LMX1A: variants seen among roughly 807,000 people sequenced by gnomAD.
LMX1A encodes LIM homeobox transcription factor 1 alpha, also known as LIM homeobox transcription factor 1-alpha.
In LMX1A, 15 loss-of-function variants were observed where a neutral mutation model predicts 49.1. That is an observed-to-expected ratio of 0.31 (90% CI 0.20 to 0.47). The LOEUF (loss-of-function observed/expected upper bound fraction) is 0.47. Among genes scored for constraint, LMX1A ranks in the 20% least tolerant of loss-of-function variants. The pLI, the probability that LMX1A is intolerant of heterozygous loss-of-function variation, is 1.00. For missense variants in LMX1A, 372 were observed against 475.8 expected (o/e 0.78, Z 2.03); for synonymous variants, 167 against 185.7 (o/e 0.90, Z 0.82).
intron 3 of LMX1A, among the ~76,000 whole-genome samples, chr1:165,334,738 A>G (rs766467678): frequency 6.6e-6 from 1 of 152,218 alleles, no homozygotes; most frequent in Non-Finnish European, 1.5e-5. Flanking sequence ...GCAAGTCTAT[A>G]ACTGAAGAGG....
intron 4 of LMX1A, among the ~76,000 whole-genome samples, chr1:165,217,549 G>A (rs182099557): frequency 3.6e-4 from 55 of 152,334 alleles, no homozygotes; most frequent in African/African-American, 1.1e-3. Flanking sequence ...GGAAAGGGAC[G>A]AGGGATTGGT....
chr1:165,216,996 A>G (rs994787679), intron 4 of LMX1A, among the ~76,000 whole-genome samples: 3 of 152,244 alleles, frequency 2.0e-5, no homozygotes, highest in African/African-American at 7.2e-5. Context: ...TTAATAAATC[A>G]CAATAATAAT....
intron 3 of LMX1A, among the ~76,000 whole-genome samples, chr1:165,278,237 G>A (rs1003464758): frequency 6.6e-6 from 1 of 152,138 alleles, no homozygotes; most frequent in African/African-American, 2.4e-5. Flanking sequence ...TCTCACAGAG[G>A]TCCATGACCT....
At chr1:165,325,069 A>C (rs1167324500) in intron 3 of LMX1A, among the ~76,000 whole-genome samples, 2 of 152,144 alleles carry the variant, frequency 1.3e-5, no homozygotes, top group African/African-American at 4.8e-5. Context: ...CCACATCATC[A>C]TCTCTAAAAC....
intron 3 of LMX1A, among the ~76,000 whole-genome samples, chr1:165,270,970 T>A (rs1323901426): frequency 6.6e-6 from 1 of 152,180 alleles, no homozygotes; most frequent in Non-Finnish European, 1.5e-5. Context: ...GCTGGCTACC[T>A]TCCCAACAGC....
rs565892641 is a variant in LMX1A at position 165,282,616 on chromosome 1, G to A, written c.264-32976C>T. 7.2e-4 allele frequency among the ~76,000 whole-genome samples: 110 copies of A among 152,260 alleles called. 1 individual carries two copies. Among genetic ancestry groups the A allele is most frequent in the African/African-American group, 2.5e-3 (103 of 41,538 alleles). On this transcript the variant is annotated intron_variant, in intron 3 of 8. Transcript: ENST00000342310. ...GGCCGACTGTGTAACACAAATATAA[G>A]CTTCACGTGGCCAGGCAGAACCCTT...
chr1:165,298,876 A>G (rs925413712), intron 3 of LMX1A, among the ~76,000 whole-genome samples: 1 of 152,252 alleles, frequency 6.6e-6, no homozygotes, highest in African/African-American at 2.4e-5. Context: ...AAAACAATAC[A>G]AACAGTATGA....
At chr1:165,223,550 C>T (rs1027691321) in intron 4 of LMX1A, among the ~76,000 whole-genome samples, 1 of 152,174 alleles carries the variant, frequency 6.6e-6, no homozygotes, top group African/African-American at 2.4e-5. Flanking sequence ...AGAATGACTG[C>T]AGGAGTGAGA....
intron 3 of LMX1A, among the ~76,000 whole-genome samples, chr1:165,348,934 G>A (rs1483749785): frequency 6.6e-6 from 1 of 152,144 alleles, no homozygotes; most frequent in African/African-American, 2.4e-5. Context: ...CAAAAGAAAG[G>A]GAAGAAAACA....
intron 4 of LMX1A, among the ~76,000 whole-genome samples, chr1:165,233,919 G>T (rs1652328709): frequency 6.6e-6 from 1 of 152,056 alleles, no homozygotes. Context: ...GTCTGCCTTT[G>T]TTCAAACCTT....
rs771630092 is a variant in LMX1A, at chr1:165,249,525, G to T, written c.379C>A (p.Arg127=). 2 of 1,614,042 alleles carry T rather than the reference G, an allele frequency of 1.2e-6. No individual in the cohort carries two copies. Among genetic ancestry groups the T allele is most frequent in the South Asian group, 1.1e-5 (1 of 91,072 alleles). ...LSCFCCCVCE[R]QLQKGDEFVL... ...AACTCATCACCCTTCTGAAGCTGTC[G>T]CTCGCAGACACAGCAGCAGAAGCAG... Residue 127 remains arginine (R), a synonymous_variant, in exon 4 of 9, where the codon CGA becomes AGA. Transcript: ENST00000342310.
In LMX1A at chr1:165,213,499, G is replaced by A. The variant is rs562281469; in HGVS notation, c.669+142C>T. 151 of 751,350 alleles carry A rather than the reference G, an allele frequency of 2.0e-4. 1 individual carries two copies. In the South Asian group the frequency reaches 2.6e-3, roughly 13 times the overall value. 46.5% of individuals were successfully genotyped at this position (751,350 alleles called of 1,614,324 possible). On this transcript the variant is annotated intron_variant, in intron 5 of 8. Coordinates refer to ENST00000342310, the MANE Select transcript of LMX1A (RefSeq NM_177398.4). ...TTAGTGATCTCTGGAGTCTCCAACA[G>A]GCTTGAGCCGCCTGTGCAGGCTCTG...
At chr1:165,251,185 C>T (rs1030188204) in intron 3 of LMX1A, among the ~76,000 whole-genome samples, 49 of 151,506 alleles carry the variant, frequency 3.2e-4, no homozygotes, top group Admixed American at 3.0e-3. Context: ...TGGGTTCAAG[C>T]GATTCTCCTG....
chr1:165,237,277 G>A (rs941458049), intron 4 of LMX1A, among the ~76,000 whole-genome samples: 14 of 152,158 alleles, frequency 9.2e-5, no homozygotes, highest in Admixed American at 3.9e-4. Context: ...AGGCTGGAGC[G>A]CAGTGGCACG....
intron 6 of LMX1A, among the ~76,000 whole-genome samples, chr1:165,210,266 T>C (rs1293739101): frequency 2.0e-5 from 3 of 152,182 alleles, no homozygotes; most frequent in African/African-American, 7.2e-5. Flanking sequence ...TGGGCCTATA[T>C]TAGTGAGGGC....
intron 3 of LMX1A, among the ~76,000 whole-genome samples, chr1:165,281,514 C>T (rs566630109): frequency 6.6e-6 from 1 of 152,244 alleles, no homozygotes; most frequent in South Asian, 2.1e-4. Context: ...CAGCTCAAAC[C>T]CAGGAGACTG....
chr1:165,220,411 A>T (rs894687125), intron 4 of LMX1A, among the ~76,000 whole-genome samples: 1 of 152,224 alleles, frequency 6.6e-6, no homozygotes, highest in South Asian at 2.1e-4. Flanking sequence ...TACAAAGGAC[A>T]GGAAGGAAAG....
At chr1:165,321,219 A>G (rs1655376649) in intron 3 of LMX1A, among the ~76,000 whole-genome samples, 1 of 152,184 alleles carries the variant, frequency 6.6e-6, no homozygotes, top group Non-Finnish European at 1.5e-5. Flanking sequence ...AAGTAGACTA[A>G]TGGTTGCCAA....
rs1445903139 is a variant in LMX1A, at chr1:165,355,369, T to A, written c.76+115A>T. ...GATAGTGATGGGGCTCAATTTAGTG[T>A]ATGAAGAGGGGCGCTAGCTTCCCTA... On this transcript the variant is annotated intron_variant, in intron 2 of 8. Transcript: ENST00000342310. This position sits in a 1 kb window ranked among gnomAD's most constrained non-coding sequence, Gnocchi z 4.7. The A allele has an allele frequency of 2.2e-6, 2 of 928,598 alleles. No individual in the cohort carries two copies. 57.5% of individuals were successfully genotyped at this position (928,598 alleles called of 1,614,324 possible).
Sources: allele counts gnomAD v4.1 joint callset (sites outside exome capture counted in the v4.1 genomes callset), GRCh38; gene constraint gnomAD v4.1.1; non-coding constraint Gnocchi (gnomAD v3.1); transcripts MANE v1.5; gene names NCBI Gene and HGNC (gene_info 2026-07-23, HGNC 2026-07-21).